The following KALRN variants were observed in gnomAD, a reference collection of about 807,000 sequenced individuals.
KALRN encodes the protein kalirin.
KALRN carries 70 observed loss-of-function variants against 353.7 expected under a neutral mutation model. The ratio of observed to expected loss-of-function variants is 0.20; its 90% CI spans 0.16 to 0.24. The LOEUF is 0.24. KALRN is among the 10% of genes least tolerant of loss of function. The pLI is 1.00. For synonymous variants in KALRN, 1,391 were observed against 1,434.8 expected (o/e 0.97, Z 0.69); for missense variants, 2,791 against 3,756.7 (o/e 0.74, Z 6.72).
At chr3:124,604,146 T>G (rs1578277215) in intron 34 of KALRN, among the ~76,000 whole-genome samples, 1 of 51,272 alleles carries the variant, frequency 2.0e-5, no homozygotes, top group Admixed American at 1.9e-4. Flanking sequence ...TTTCACGTTT[T>G]TTTTTTTTAA....
intron 1 of KALRN, among the ~76,000 whole-genome samples, chr3:124,150,110 A>G (rs999056016): frequency 6.6e-6 from 1 of 152,208 alleles, no homozygotes; most frequent in Admixed American, 6.5e-5. Flanking sequence ...GGTTATGTAA[A>G]TATTAGGGTT....
At chr3:124,117,647 G>T (rs1219901602) in intron 1 of KALRN, among the ~76,000 whole-genome samples, 2 of 152,058 alleles carry the variant, frequency 1.3e-5, no homozygotes, top group Non-Finnish European at 2.9e-5. Flanking sequence ...GGGGAGTGGG[G>T]TGGGTGGTGT....
chr3:124,496,012 T>TATATATATATATATATATATAC (rs1345047394), intron 32 of KALRN, among the ~76,000 whole-genome samples: 2 of 43,692 alleles, frequency 4.6e-5, no homozygotes, highest in African/African-American at 1.2e-4. Context: ...TATATATATA[T>TATATATATATATATATATATAC]ACACACACAT....
intron 5 of KALRN, among the ~76,000 whole-genome samples, chr3:124,280,868 A>G (rs1481485767): frequency 6.6e-6 from 1 of 152,116 alleles, no homozygotes; most frequent in African/African-American, 2.4e-5. Flanking sequence ...AGCCCAACTC[A>G]AGGGTATCTA....
chr3:124,628,690 C>T (rs1009384670), intron 34 of KALRN, among the ~76,000 whole-genome samples: 13 of 151,358 alleles, frequency 8.6e-5, no homozygotes, highest in Non-Finnish European at 1.9e-4. Flanking sequence ...GTTCTCATGC[C>T]TCAGCCTCCC....
intron 1 of KALRN, among the ~76,000 whole-genome samples, chr3:124,147,279 C>T (rs951132519): frequency 3.3e-5 from 5 of 152,094 alleles, no homozygotes; most frequent in African/African-American, 9.7e-5. Context: ...TTCCAGAATA[C>T]GAATGAGGAG....
intron 45 of KALRN, among the ~76,000 whole-genome samples, chr3:124,664,689 G>A (rs752555238): frequency 4.6e-5 from 7 of 152,266 alleles, no homozygotes; most frequent in African/African-American, 7.2e-5. Context: ...GATTACAGGC[G>A]TGAGCCACTG....
At chr3:124,310,585 A>G (rs1041792028) in intron 6 of KALRN, among the ~76,000 whole-genome samples, 4 of 152,226 alleles carry the variant, frequency 2.6e-5, no homozygotes, top group Non-Finnish European at 5.9e-5. Flanking sequence ...ATGGAATAGA[A>G]TTATGAGTTC....
At chr3:124,247,248 A>G (rs2070421975) in intron 3 of KALRN, among the ~76,000 whole-genome samples, 1 of 152,176 alleles carries the variant, frequency 6.6e-6, no homozygotes, top group African/African-American at 2.4e-5. Flanking sequence ...CAGAGGCTCC[A>G]ATGGTTCTAT....
chr3:124,674,331 G>A (rs779602997), intron 48 of KALRN, 33 bp from the exon 49 acceptor site: 7 of 1,593,056 alleles, frequency 4.4e-6, no homozygotes, highest in African/African-American at 1.3e-5. Flanking sequence ...GCGTCCTTGT[G>A]TTTGTGCCCC....
rs1475593169 is a variant in KALRN at position 124,609,588 on chromosome 3, A to T, written c.5183-22832A>T. Reference sequence around the variant, plus strand: ...AAATCTGCTTAGAAGAGAGACGTGCATTCTCCCTTTGTTGCTGCCTGGGAA... The same window carrying T: ...AAATCTGCTTAGAAGAGAGACGTGCTTTCTCCCTTTGTTGCTGCCTGGGAA... On this transcript the variant is annotated intron_variant, in intron 34 of 59. Transcript: ENST00000682506. Among the ~76,000 whole-genome samples, 3 of 152,212 alleles carry T rather than the reference A, an allele frequency of 2.0e-5. No individual in the cohort carries two copies. The South Asian group carries it at 6.2e-4, about 32-fold the overall frequency.
chr3:124,172,800 A>G (rs908954274), intron 1 of KALRN, among the ~76,000 whole-genome samples: 1 of 152,112 alleles, frequency 6.6e-6, no homozygotes, highest in Non-Finnish European at 1.5e-5. Flanking sequence ...AGACCATTCC[A>G]GGCTTTTAAT....
chr3:124,328,790 C>T (rs921600279), intron 7 of KALRN, among the ~76,000 whole-genome samples: 1 of 152,194 alleles, frequency 6.6e-6, no homozygotes. Context: ...TGTTTCCTGA[C>T]TGGACTGGTT....
At chr3:124,475,718 C>T (rs2061370565) in intron 26 of KALRN, among the ~76,000 whole-genome samples, 1 of 152,154 alleles carries the variant, frequency 6.6e-6, no homozygotes, top group African/African-American at 2.4e-5. Context: ...AGTTCACTGA[C>T]ATGTAATAAA....
chr3:124,587,138 G>A (rs2075278279), intron 34 of KALRN, among the ~76,000 whole-genome samples: 1 of 152,216 alleles, frequency 6.6e-6, no homozygotes, highest in African/African-American at 2.4e-5. Flanking sequence ...TGCACTGCAG[G>A]GGACTGACTG....
intron 57 of KALRN, among the ~76,000 whole-genome samples, chr3:124,710,326 A>G (rs1018897668): frequency 3.3e-5 from 5 of 152,204 alleles, no homozygotes; most frequent in African/African-American, 1.2e-4. Context: ...GTTATGTGGC[A>G]GGGACAGAGG....
At chr3:124,531,970 T>G (rs976251091) in intron 33 of KALRN, among the ~76,000 whole-genome samples, 1 of 152,210 alleles carries the variant, frequency 6.6e-6, no homozygotes, top group African/African-American at 2.4e-5. Flanking sequence ...TTCTTGGAAC[T>G]TTTTCAAGAC....
chr3:124,448,646 C>T (rs1033213280), intron 21 of KALRN, among the ~76,000 whole-genome samples: 16 of 152,150 alleles, frequency 1.1e-4, no homozygotes, highest in Non-Finnish European at 1.8e-4. Flanking sequence ...GCCTCCTCCT[C>T]TATGATCCTT....
At chr3:124,069,353 G>GAGA in intron 1 of KALRN, among the ~76,000 whole-genome samples, 1 of 75,562 alleles carries the variant, frequency 1.3e-5, no homozygotes. Context: ...GGAGGAGGAG[G>GAGA]AGGAGGAGGA....
Sources: allele counts gnomAD v4.1 joint callset (sites outside exome capture counted in the v4.1 genomes callset), GRCh38; gene constraint gnomAD v4.1.1; transcripts MANE v1.5; gene names NCBI Gene and HGNC (gene_info 2026-07-23, HGNC 2026-07-21).